TNFRSF19: variants seen among roughly 807,000 people sequenced by gnomAD.
TNFRSF19 encodes tumor necrosis factor receptor superfamily member 19.
Under a neutral mutation model 46.4 loss-of-function variants are expected in TNFRSF19, and 27 were observed. That is an observed-to-expected ratio of 0.58 (90% CI 0.43 to 0.80). The LOEUF is 0.80. TNFRSF19 is among the 30% of genes least tolerant of loss of function. The probability of loss-of-function intolerance (pLI) is 0.00; values close to 1 mark genes in which losing one functional copy is unlikely to be tolerated. For synonymous variants in TNFRSF19, 204 were observed against 205.0 expected (o/e 1.00, Z 0.04); for missense variants, 511 against 530.8 (o/e 0.96, Z 0.37).
intron 5 of TNFRSF19, among the ~76,000 whole-genome samples, chr13:23,656,147 T>C (rs1883972051): frequency 6.6e-6 from 1 of 152,212 alleles, no homozygotes; most frequent in Non-Finnish European, 1.5e-5. Flanking sequence ...TGTATATTTT[T>C]CTTGTTCATC....
intron 3 of TNFRSF19, among the ~76,000 whole-genome samples, chr13:23,600,288 G>A (rs1880040303): frequency 6.6e-6 from 1 of 152,188 alleles, no homozygotes; most frequent in South Asian, 2.1e-4. Context: ...TGCAAGAGAA[G>A]TGAGGTCGCA....
At chr13:23,658,867 G>T (rs956572703) in intron 5 of TNFRSF19, among the ~76,000 whole-genome samples, 183 bp from the exon 6 acceptor site, 1 of 152,160 alleles carries the variant, frequency 6.6e-6, no homozygotes, top group African/African-American at 2.4e-5. Context: ...GTGGGGTGCC[G>T]GGTAAAGGTG....
chr13:23,662,732 C>G (rs1884449074), intron 7 of TNFRSF19, among the ~76,000 whole-genome samples: 1 of 150,718 alleles, frequency 6.6e-6, no homozygotes, highest in South Asian at 2.1e-4. Flanking sequence ...TCTCTTTTAC[C>G]TCCGTGGTTA....
At position 23,667,959 on chromosome 13, in the gene TNFRSF19, C is replaced by T. The variant is rs767362271; in HGVS notation, c.737-21C>T. ...TGCCAGAAGGAGGCACTGTGCTTCA[C>T]ACCTGTGCTGTCTTCCCTAGGGCCG... On this transcript the variant is annotated intron_variant, in intron 7 of 9. Transcript: ENST00000248484. 1.9e-5 allele frequency: 30 copies of T among 1,575,432 alleles called. No individual in the cohort carries two copies. In the South Asian group the frequency reaches 2.8e-4, roughly 15 times the overall value.
intron 7 of TNFRSF19, among the ~76,000 whole-genome samples, chr13:23,662,558 T>A (rs73156788): frequency 0.22 from 33,479 of 152,146 alleles, 4,530 homozygotes; most frequent in Non-Finnish European, 0.31. Flanking sequence ...TTCCTAGTTC[T>A]GTGAAGAATG....
chr13:23,583,312 C>CAA (rs371044268), intron 1 of TNFRSF19, among the ~76,000 whole-genome samples: 1 of 146,288 alleles, frequency 6.8e-6, no homozygotes, highest in African/African-American at 2.5e-5. Context: ...AATGTTGGAC[C>CAA]AAAAAAAAAT....
At chr13:23,640,998 A>G (rs974728314) in intron 5 of TNFRSF19, among the ~76,000 whole-genome samples, 1 of 152,212 alleles carries the variant, frequency 6.6e-6, no homozygotes, top group Admixed American at 6.5e-5. Context: ...GTCCAAACCC[A>G]GGTCGTAGTG....
intron 1 of TNFRSF19, among the ~76,000 whole-genome samples, chr13:23,586,484 C>T (rs1878849414): frequency 6.6e-6 from 1 of 152,148 alleles, no homozygotes; most frequent in African/African-American, 2.4e-5. Flanking sequence ...CTGGTGGAAG[C>T]AGTCACTGTG....
Position 23,675,447 on chromosome 13 carries a change from C to T in TNFRSF19, c.*2067C>T, listed in dbSNP as rs527641655. ...GGAATGAGACTTTGGCCAAAAATCCCAAAACATCATTTTCAATCAGTAGAG... is the reference window on the plus strand; with the variant it reads ...GGAATGAGACTTTGGCCAAAAATCCTAAAACATCATTTTCAATCAGTAGAG... On this transcript the variant is annotated 3_prime_UTR_variant, in exon 10 of 10. Coordinates refer to ENST00000248484, the MANE Select transcript of TNFRSF19 (RefSeq NM_148957.4). The T allele has an allele frequency of 1.2e-4, 19 of 152,226 alleles. No homozygotes were observed. The highest frequency in any genetic ancestry group is 5.8e-4 in the East Asian group (3 of 5,190). The allele number at this position is 152,226 out of a possible 1,614,324, so 9.4% of individuals were successfully genotyped here. A position where few individuals can be genotyped will look rare whatever the true frequency, so the allele number is the denominator to read the frequency against.
At chr13:23,603,873 A>T (rs1027271471) in intron 3 of TNFRSF19, among the ~76,000 whole-genome samples, 2 of 152,052 alleles carry the variant, frequency 1.3e-5, no homozygotes, top group African/African-American at 4.8e-5. Flanking sequence ...CAACAAAACC[A>T]AAACTCTAGA....
In TNFRSF19 at chr13:23,668,027, C is replaced by A; in HGVS notation, c.784C>A (p.Pro262Thr). Residue 262 changes from proline (P) to threonine (T), a missense_variant, in exon 8 of 10, where the codon CCC becomes ACC. Coordinates refer to ENST00000248484, the MANE Select transcript of TNFRSF19 (RefSeq NM_148957.4). ...CATGTGCTGTGAGGAGGCCTGCAGC[C>A]CCAACCCGGCGACTCTTGGTTGTGG... Reference protein sequence around the residue: ...PSMCCEEACSPNPATLGCGVH... With the variant: ...PSMCCEEACSTNPATLGCGVH... The A allele has an allele frequency of 1.2e-6, 2 of 1,610,278 alleles. No individual in the cohort carries two copies. Among genetic ancestry groups the A allele is most frequent in the Non-Finnish European group, 8.5e-7 (1 of 1,178,508 alleles).
chr13:23,624,530 T>C (rs1041504332), intron 4 of TNFRSF19, among the ~76,000 whole-genome samples: 1 of 152,154 alleles, frequency 6.6e-6, no homozygotes, highest in African/African-American at 2.4e-5. Flanking sequence ...TACCATAAAT[T>C]ATACAGATTT....
chr13:23,577,751 C>T (rs1373321922), intron 1 of TNFRSF19, among the ~76,000 whole-genome samples: 1 of 152,198 alleles, frequency 6.6e-6, no homozygotes, highest in Admixed American at 6.5e-5. Context: ...TTTATAAAGC[C>T]TGCTCCAGAG....
rs775637312 is a variant in TNFRSF19 at position 23,630,972 on chromosome 13, CTG to C, written c.445+4185_445+4186del. Among the ~76,000 whole-genome samples the C allele has an allele frequency of 3.6e-4, 55 of 151,932 alleles. 1 individual carries two copies. Among genetic ancestry groups the C allele is most frequent in the South Asian group, 6.3e-4 (3 of 4,796 alleles). ...GAGAGATAAGGGATCAGATAAATCA[CTG>C]TGTGAGAGAAAAGAAAGCCTGAGCT... On this transcript the variant is annotated intron_variant, in intron 5 of 9. Coordinates refer to ENST00000248484, the MANE Select transcript of TNFRSF19 (RefSeq NM_148957.4).
At chr13:23,621,455 A>G (rs1881649190) in intron 4 of TNFRSF19, among the ~76,000 whole-genome samples, 2 of 152,176 alleles carry the variant, frequency 1.3e-5, no homozygotes, top group Admixed American at 6.5e-5. Context: ...GACACTTCAG[A>G]AAATCCCATC....
chr13:23,666,547 ATGTGCCATTT>A, intron 7 of TNFRSF19, among the ~76,000 whole-genome samples: 1 of 152,194 alleles, frequency 6.6e-6, no homozygotes, highest in African/African-American at 2.4e-5. Flanking sequence ...AGGCTGGCTC[ATGTGCCATTT>A]TGACATGTCC....
chr13:23,665,686 A>C (rs1575667), intron 7 of TNFRSF19, among the ~76,000 whole-genome samples: 131,044 of 152,104 alleles, frequency 0.86, 56,579 homozygotes, highest in Admixed American at 0.91. Flanking sequence ...ATGTCCCTCT[A>C]CCCCTTAGTA....
At chr13:23,640,481 C>G (rs1447213000) in intron 5 of TNFRSF19, among the ~76,000 whole-genome samples, 1 of 152,188 alleles carries the variant, frequency 6.6e-6, no homozygotes, top group African/African-American at 2.4e-5. Flanking sequence ...CTAGTTAAAA[C>G]TAAAACAGTC....
intron 9 of TNFRSF19, 77 bp from the exon 10 acceptor site, chr13:23,673,295 A>G: frequency 6.7e-7 from 1 of 1,496,328 alleles, no homozygotes; most frequent in South Asian, 1.3e-5. Context: ...ATGCATAATA[A>G]TTCTTTACCA....
Sources: allele counts gnomAD v4.1 joint callset (sites outside exome capture counted in the v4.1 genomes callset), GRCh38; gene constraint gnomAD v4.1.1; transcripts MANE v1.5; gene names NCBI Gene and HGNC (gene_info 2026-07-23, HGNC 2026-07-21).